RSPO4: variants seen among roughly 807,000 people sequenced by gnomAD.
RSPO4 encodes the protein R-spondin-4.
A neutral mutation model predicts 24.8 loss-of-function variants in RSPO4; 23 were observed. That is an observed-to-expected ratio of 0.93 (90% confidence interval 0.67 to 1.31). The LOEUF is 1.31. Ranked by LOEUF, RSPO4 falls within the 40% of genes most tolerant of loss-of-function variation. RSPO4 has a pLI of 0.00. For synonymous variants in RSPO4, 141 were observed against 127.4 expected (o/e 1.11, Z -0.72); for missense variants, 333 against 316.5 (o/e 1.05, Z -0.39).
At chr20:972,604 A>T (rs1224594852) in intron 1 of RSPO4, among the ~76,000 whole-genome samples, 2 of 152,226 alleles carry the variant, frequency 1.3e-5, no homozygotes, top group Non-Finnish European at 2.9e-5. Flanking sequence ...TTATAGAAAG[A>T]CAGCTTGGCG....
chr20:993,816 C>T (rs1333514771), intron 1 of RSPO4, among the ~76,000 whole-genome samples: 4 of 152,152 alleles, frequency 2.6e-5, no homozygotes, highest in African/African-American at 7.2e-5. Context: ...TAACTGCTTC[C>T]TCCTCTGTAA....
rs1158306043 is a variant in RSPO4, at chr20:1,002,040, G to A, written c.79+46C>T. 3.3e-6 allele frequency: 5 copies of A among 1,502,844 alleles called. No homozygotes were observed. Among genetic ancestry groups the A allele is most frequent in the Admixed American group, 2.0e-5 (1 of 50,696 alleles). 93.1% of individuals were successfully genotyped at this position (1,502,844 alleles called of 1,614,324 possible). A position where few individuals can be genotyped will look rare whatever the true frequency, so the allele number is the denominator to read the frequency against. ...CCCCCGGTCCTCCGGCCCCCGGTCT[G>A]CCCCGCAGCGCCTGCCCGGCCGCCC... On this transcript the variant is annotated intron_variant, in intron 1 of 4. Coordinates refer to ENST00000217260, the MANE Select transcript of RSPO4 (RefSeq NM_001029871.4). This position sits in a 1 kb window ranked among gnomAD's most constrained non-coding sequence, Gnocchi z 4.6.
chr20:973,264 G>A (rs1363472634), intron 1 of RSPO4, among the ~76,000 whole-genome samples: 1 of 152,168 alleles, frequency 6.6e-6, no homozygotes, highest in Non-Finnish European at 1.5e-5. Flanking sequence ...ATGAGATAAG[G>A]GGTCAAGATG....
chr20:979,783 T>C, intron 1 of RSPO4, among the ~76,000 whole-genome samples: 1 of 152,192 alleles, frequency 6.6e-6, no homozygotes, highest in East Asian at 1.9e-4. Flanking sequence ...TCGCTTTATG[T>C]ATACGGCCCT....
intron 1 of RSPO4, among the ~76,000 whole-genome samples, chr20:991,465 T>G (rs1985099637): frequency 6.6e-6 from 1 of 152,096 alleles, no homozygotes; most frequent in African/African-American, 2.4e-5. Context: ...GATTGATATC[T>G]AGGTAATACA....
rs1985486245 is a variant in RSPO4 at position 1,002,091 on chromosome 20, T to G, written c.74A>C (p.Lys25Thr). 6.4e-7 allele frequency: 1 copy of G among 1,558,482 alleles called. No homozygotes were observed. The highest frequency in any genetic ancestry group is 8.7e-7 in the Non-Finnish European group (1 of 1,150,770). ...VDMLALNRRK[K>T]QVGTGLGGNC... The stretch of plus-strand genomic sequence containing the variant: ...TGCCCAGCCACCCCTTGTACCTTGC[T>G]TCTTCCTTCGGTTCAGGGCGAGCAT... The change falls in exon 1 of 5, where the codon AAG (lysine) becomes ACG (threonine). Residue 25 changes from lysine (K) to threonine (T), a missense_variant. Physicochemically the swap from Lys to Thr is moderately conservative, Grantham distance 78. Coordinates refer to ENST00000217260, the MANE Select transcript of RSPO4 (RefSeq NM_001029871.4). This position sits in a 1 kb window ranked among gnomAD's most constrained non-coding sequence, Gnocchi z 4.6.
chr20:992,182 T>TACGCAC (rs1181751312), intron 1 of RSPO4, among the ~76,000 whole-genome samples: 1 of 151,780 alleles, frequency 6.6e-6, no homozygotes, highest in Admixed American at 6.6e-5. Context: ...GCTGGCAACA[T>TACGCAC]ACGCACACGC....
intron 3 of RSPO4, among the ~76,000 whole-genome samples, chr20:966,451 C>CTCT (rs1555795492): frequency 2.2e-4 from 33 of 148,036 alleles, no homozygotes; most frequent in African/African-American, 7.4e-4. Flanking sequence ...GTTCTATTGT[C>CTCT]TTTTTTTTTT....
chr20:991,133 G>T (rs924810146), intron 1 of RSPO4, among the ~76,000 whole-genome samples: 3 of 152,134 alleles, frequency 2.0e-5, no homozygotes, highest in African/African-American at 7.2e-5. Context: ...AAAAGAAGGG[G>T]TCTCACCACA....
At chr20:961,590 C>A (rs116116029) in intron 4 of RSPO4, among the ~76,000 whole-genome samples, 5,972 of 152,198 alleles carry the variant, frequency 0.039, 394 homozygotes, top group African/African-American at 0.14. Context: ...GCACTGAGGC[C>A]AACTCCCACT....
At chr20:968,261 G>C in intron 1 of RSPO4, 123 bp from the exon 2 acceptor site, 1 of 811,282 alleles carries the variant, frequency 1.2e-6, no homozygotes, top group Non-Finnish European at 2.0e-6. Flanking sequence ...CCAAACAAAA[G>C]ACTACATTTC....
intron 1 of RSPO4, among the ~76,000 whole-genome samples, chr20:998,985 C>CTCTT (rs1555797904): frequency 0.026 from 3,405 of 131,798 alleles, 191 homozygotes; most frequent in East Asian, 0.22. Flanking sequence ...CTCTCGCTCT[C>CTCTT]TTTTTTTTTT....
chr20:983,006 G>C (rs1188509111), intron 1 of RSPO4, among the ~76,000 whole-genome samples: 2 of 152,238 alleles, frequency 1.3e-5, no homozygotes, highest in African/African-American at 2.4e-5. Flanking sequence ...GGCCTCCTCT[G>C]GGGAGGATGT....
rs1197245066 is a variant in RSPO4 at position 967,317 on chromosome 20, G to A, written c.269-3C>T. ...GCTCTCACAAGTGGCCCCACATTCT[G>A]TAATAGAGCCAGGGACACCCCAGGT... On this transcript the variant is annotated splice_polypyrimidine_tract_variant and splice_region_variant and intron_variant, in intron 2 of 4. Transcript: ENST00000217260. The A allele has an allele frequency of 1.2e-6, 2 of 1,613,934 alleles. No individual in the cohort carries two copies. Among genetic ancestry groups the A allele is most frequent in the Non-Finnish European group, 1.7e-6 (2 of 1,180,048 alleles).
intron 1 of RSPO4, among the ~76,000 whole-genome samples, chr20:978,838 T>C (rs1194634125): frequency 4.6e-5 from 7 of 152,142 alleles, no homozygotes; most frequent in South Asian, 2.1e-4. Flanking sequence ...ATTGTACTCA[T>C]TTGGTAGAAA....
intron 1 of RSPO4, among the ~76,000 whole-genome samples, chr20:994,795 C>T (rs538662710): frequency 2.1e-4 from 32 of 152,298 alleles, no homozygotes; most frequent in Non-Finnish European, 4.0e-4. Context: ...AACTCCTGGC[C>T]TCAGGTGATC....
intron 1 of RSPO4, among the ~76,000 whole-genome samples, chr20:989,510 A>G (rs1164871951): frequency 1.3e-5 from 2 of 152,200 alleles, no homozygotes; most frequent in Admixed American, 6.5e-5. Flanking sequence ...TAGGTGCTCA[A>G]TAAATGGTAG....
intron 1 of RSPO4, among the ~76,000 whole-genome samples, chr20:987,914 T>C (rs1403447611): frequency 6.6e-6 from 1 of 152,256 alleles, no homozygotes; most frequent in Non-Finnish European, 1.5e-5. Flanking sequence ...GATACATCAG[T>C]GAATGAGACA....
intron 1 of RSPO4, among the ~76,000 whole-genome samples, chr20:984,818 G>A (rs925629487): frequency 6.6e-6 from 1 of 152,112 alleles, no homozygotes; most frequent in Non-Finnish European, 1.5e-5. Flanking sequence ...GTTAAACTCA[G>A]TGTTTCTAAA....
Sources: gnomAD v4.1 joint callset for allele counts (sites outside exome capture counted in the v4.1 genomes callset) on GRCh38, gnomAD v4.1.1 for gene constraint, Gnocchi (gnomAD v3.1) non-coding constraint, MANE v1.5 for transcripts, NCBI Gene and HGNC (gene_info 2026-07-23, HGNC 2026-07-21) for gene names.